Variants in OPCML observed in about 807,000 individuals in gnomAD.
OPCML encodes opioid-binding protein/cell adhesion molecule.
In OPCML, 13 loss-of-function variants were observed where a neutral mutation model predicts 37.8. The ratio of observed to expected loss-of-function variants is 0.34; its 90% CI spans 0.22 to 0.55. The LOEUF (loss-of-function observed/expected upper bound fraction) is 0.55, where lower values mean the gene tolerates loss of function less well. OPCML is among the 20% of genes least tolerant of loss of function. The pLI is 0.91. For missense variants in OPCML, 341 were observed against 435.6 expected, an observed-to-expected ratio of 0.78 and a Z score of 1.93; for synonymous variants, 176 against 168.8, an observed-to-expected ratio of 1.04 and a Z score of -0.33.
At chr11:132,936,894 C>T (rs765483046) in intron 2 of OPCML, among the ~76,000 whole-genome samples, 4 of 151,952 alleles carry the variant, frequency 2.6e-5, no homozygotes, top group Non-Finnish European at 5.9e-5. Flanking sequence ...TCATTCAGGG[C>T]AAACAATAAA....
intron 1 of OPCML, among the ~76,000 whole-genome samples, chr11:133,154,294 A>AATGAG (rs1333442763): frequency 1.3e-5 from 2 of 152,058 alleles, no homozygotes; most frequent in Non-Finnish European, 2.9e-5. Context: ...AAAGCCACAA[A>AATGAG]ATGAGGGTTC....
At chr11:132,632,849 G>A (rs1940239104) in intron 3 of OPCML, among the ~76,000 whole-genome samples, 1 of 151,978 alleles carries the variant, frequency 6.6e-6, no homozygotes, top group African/African-American at 2.4e-5. Context: ...CAGATGGGCA[G>A]GGAGGAGTTT....
At chr11:133,510,039 G>T (rs189322540) in intron 1 of OPCML, among the ~76,000 whole-genome samples, 2 of 152,268 alleles carry the variant, frequency 1.3e-5, no homozygotes, top group East Asian at 3.9e-4. Flanking sequence ...TTCTGCTACA[G>T]GCTTGCTTAC....
At position 132,614,496 on chromosome 11, in the gene OPCML, G is replaced by A. The variant is rs139706335; in HGVS notation, c.379+42591C>T. On this transcript the variant is annotated intron_variant, in intron 3 of 7. Transcript: ENST00000524381. ...TCCCTCTGCGGGCCTCTGCACTGAC[G>A]TGTCTTCATGTTATACCGCTTGTGT... 1.1e-3 allele frequency among the ~76,000 whole-genome samples: 175 copies of A among 152,206 alleles called. 1 individual carries two copies. Among genetic ancestry groups the A allele is most frequent in the African/African-American group, 3.3e-3 (135 of 41,522 alleles).
chr11:132,545,245 T>C (rs2137395093), intron 3 of OPCML, among the ~76,000 whole-genome samples: 1 of 152,280 alleles, frequency 6.6e-6, no homozygotes, highest in East Asian at 1.9e-4. Context: ...AGCTGTGAAG[T>C]GGCGAGATTT....
chr11:133,385,984 C>A (rs1416502919), intron 1 of OPCML, among the ~76,000 whole-genome samples: 1 of 152,130 alleles, frequency 6.6e-6, no homozygotes, highest in African/African-American at 2.4e-5. Flanking sequence ...TGAAGAAATT[C>A]TAAACATTGC....
At chr11:133,509,914 G>A (rs910656179) in intron 1 of OPCML, among the ~76,000 whole-genome samples, 1 of 152,096 alleles carries the variant, frequency 6.6e-6, no homozygotes, top group Non-Finnish European at 1.5e-5. Flanking sequence ...GGCTTTGGGG[G>A]TCCTACCTCA....
intron 1 of OPCML, among the ~76,000 whole-genome samples, chr11:133,510,004 T>C (rs1948120167): frequency 6.6e-6 from 1 of 152,136 alleles, no homozygotes; most frequent in Non-Finnish European, 1.5e-5. Flanking sequence ...AGTGAGGCCA[T>C]GTGGGGAAGT....
intron 1 of OPCML, among the ~76,000 whole-genome samples, chr11:133,213,843 T>A (rs1388432362): frequency 6.6e-6 from 1 of 152,208 alleles, no homozygotes; most frequent in Non-Finnish European, 1.5e-5. Context: ...GATACACTTT[T>A]GGTTAAAAAT....
intron 1 of OPCML, among the ~76,000 whole-genome samples, chr11:133,232,882 C>A (rs569820555): frequency 6.6e-6 from 1 of 152,304 alleles, no homozygotes; most frequent in South Asian, 2.1e-4. Context: ...GATCCCAGTG[C>A]TGACAGCTTT....
At chr11:133,098,213 C>CT (rs749902124) in intron 1 of OPCML, among the ~76,000 whole-genome samples, 16,946 of 133,710 alleles carry the variant, frequency 0.13, 1,813 homozygotes, top group African/African-American at 0.29. Flanking sequence ...GCTGGTTAAA[C>CT]TTTTTTTTTT....
chr11:133,058,403 G>C (rs977947649), intron 1 of OPCML, among the ~76,000 whole-genome samples: 3 of 152,172 alleles, frequency 2.0e-5, no homozygotes, highest in Non-Finnish European at 2.9e-5. Flanking sequence ...AGACTGGGGC[G>C]GGGGCACGCG....
chr11:133,353,992 A>AT (rs11336407), intron 1 of OPCML, among the ~76,000 whole-genome samples: 11 of 151,568 alleles, frequency 7.3e-5, no homozygotes, highest in South Asian at 4.2e-4. Context: ...CTTTTCCCAC[A>AT]TTTTTTTTGC....
intron 1 of OPCML, among the ~76,000 whole-genome samples, chr11:132,971,853 C>G (rs1946349921): frequency 6.6e-6 from 1 of 152,158 alleles, no homozygotes; most frequent in African/African-American, 2.4e-5. Flanking sequence ...CCTAAAACCA[C>G]TAGACCCTAC....
chr11:132,932,731 A>AAT, intron 2 of OPCML, among the ~76,000 whole-genome samples: 1 of 148,674 alleles, frequency 6.7e-6, no homozygotes, highest in East Asian at 2.0e-4. Flanking sequence ...TGCATGGATA[A>AAT]ATATATATAT....
chr11:133,229,037 A>G (rs1198908083), intron 1 of OPCML, among the ~76,000 whole-genome samples: 1 of 152,144 alleles, frequency 6.6e-6, no homozygotes, highest in Non-Finnish European at 1.5e-5. Context: ...ATCCAAAACT[A>G]GGAAGAGGCT....
chr11:132,436,027 G>A, intron 7 of OPCML, 59 bp downstream of exon 7: 1 of 1,569,172 alleles, frequency 6.4e-7, no homozygotes, highest in Non-Finnish European at 8.7e-7. Context: ...CCTCCCTCCT[G>A]AGTCCCTCAA....
At chr11:132,578,423 A>C (rs941664169) in intron 3 of OPCML, among the ~76,000 whole-genome samples, 1 of 152,196 alleles carries the variant, frequency 6.6e-6, no homozygotes, top group Non-Finnish European at 1.5e-5. Flanking sequence ...CTAAGCAAAA[A>C]ATTGAAAAAT....
At chr11:132,995,630 TC>T (rs1946869356) in intron 1 of OPCML, among the ~76,000 whole-genome samples, 1 of 152,080 alleles carries the variant, frequency 6.6e-6, no homozygotes, top group South Asian at 2.1e-4. Context: ...CTTCAATACT[TC>T]CCTTTTAAAG....
Sources: allele counts gnomAD v4.1 joint callset (sites outside exome capture counted in the v4.1 genomes callset), GRCh38; gene constraint gnomAD v4.1.1; transcripts MANE v1.5; gene names NCBI Gene and HGNC (gene_info 2026-07-23, HGNC 2026-07-21).